The following OLAH variants were observed in gnomAD, a reference collection of about 807,000 sequenced individuals.
OLAH encodes oleoyl-ACP hydrolase, also known as S-acyl fatty acid synthase thioesterase, medium chain.
Under a neutral mutation model 27.8 loss-of-function variants are expected in OLAH, and 33 were observed. The ratio of observed to expected loss-of-function variants is 1.19; its 90% CI spans 0.90 to 1.59. The LOEUF (loss-of-function observed/expected upper bound fraction) is 1.59. Ranked by LOEUF, OLAH falls within the 40% of genes most tolerant of loss-of-function variation. The pLI is 0.00. For synonymous variants in OLAH, 120 were observed against 102.9 expected (o/e 1.17, Z -1.01); for missense variants, 359 against 310.8 (o/e 1.16, Z -1.17).
intron 3 of OLAH, among the ~76,000 whole-genome samples, chr10:15,060,809 G>T (rs1184615065): frequency 2.6e-5 from 4 of 152,070 alleles, no homozygotes; most frequent in African/African-American, 7.2e-5. Flanking sequence ...GGCATGTCTG[G>T]TGAGTTTTGA....
chr10:15,059,985 C>T (rs754319181), intron 3 of OLAH, among the ~76,000 whole-genome samples: 14 of 152,036 alleles, frequency 9.2e-5, no homozygotes, highest in South Asian at 2.1e-4. Context: ...CTTGGATCTA[C>T]GACTTTGTAA....
Position 15,073,727 on chromosome 10 carries a change from C to T in OLAH, c.*498C>T, listed in dbSNP as rs1182714404. 1 of 151,216 alleles carries T rather than the reference C, an allele frequency of 6.6e-6. No homozygotes were observed. Among genetic ancestry groups the T allele is most frequent in the Non-Finnish European group, 1.5e-5 (1 of 67,890 alleles). 9.4% of individuals were successfully genotyped at this position (151,216 alleles called of 1,614,324 possible). A position where few individuals can be genotyped will look rare whatever the true frequency, so the allele number is the denominator to read the frequency against. ...CTTCCTATTAAAATCTCACTTGATT[C>T]TCCTTTATGGGAAGTTTGTCGACAA... On this transcript the variant is annotated 3_prime_UTR_variant, in exon 8 of 8. Coordinates refer to ENST00000378228, the MANE Select transcript of OLAH (RefSeq NM_001039702.3).
At chr10:15,062,253 G>A (rs1182490915) in intron 4 of OLAH, among the ~76,000 whole-genome samples, 3 of 152,104 alleles carry the variant, frequency 2.0e-5, no homozygotes, top group Admixed American at 2.0e-4. Flanking sequence ...AGGCTTCTGA[G>A]TTAGTTCCTT....
intron 7 of OLAH, among the ~76,000 whole-genome samples, chr10:15,072,388 T>C (rs1293322753): frequency 6.6e-6 from 1 of 152,134 alleles, no homozygotes; most frequent in Admixed American, 6.6e-5. Context: ...GTTGGTCTTG[T>C]GTAAAATGAG....
chr10:15,045,795 A>G (rs1022965603), intron 1 of OLAH, among the ~76,000 whole-genome samples: 11 of 152,172 alleles, frequency 7.2e-5, no homozygotes, highest in African/African-American at 2.7e-4. Flanking sequence ...AGACCTTTAT[A>G]AATGACAGAT....
At chr10:15,058,811 A>C (rs547307722) in intron 3 of OLAH, among the ~76,000 whole-genome samples, 5 of 152,118 alleles carry the variant, frequency 3.3e-5, no homozygotes, top group African/African-American at 1.2e-4. Flanking sequence ...AAAGTCTTTA[A>C]CTTCCACTTT....
At chr10:15,072,983 A>G (rs1301974324) in intron 7 of OLAH, 104 bp from the exon 8 acceptor site, 1 of 1,077,490 alleles carries the variant, frequency 9.3e-7, no homozygotes, top group Non-Finnish European at 1.4e-6. Flanking sequence ...AGGCCTTGAA[A>G]GTAACCGTAC....
intron 2 of OLAH, among the ~76,000 whole-genome samples, chr10:15,048,284 C>G (rs541173273): frequency 2.0e-5 from 3 of 152,232 alleles, no homozygotes; most frequent in Admixed American, 6.5e-5. Context: ...GTGGTGCGAT[C>G]TCGGCTCACT....
rs532710117 is a variant in OLAH at position 15,055,402 on chromosome 10, A to T, written c.163+5637A>T. On this transcript the variant is annotated intron_variant, in intron 3 of 7. Coordinates refer to ENST00000378228, the MANE Select transcript of OLAH (RefSeq NM_001039702.3). ...TCATGTTTCTGTAGGACTCTTTTCT[A>T]TCTCCAGCCCCATCCTTCTTTATTT... is the stretch of plus-strand genomic sequence containing the variant. 4.6e-5 allele frequency among the ~76,000 whole-genome samples: 7 copies of T among 152,190 alleles called. No homozygotes were observed. In the East Asian group the frequency reaches 1.4e-3, roughly 29 times the overall value.
rs969171408 is a variant in OLAH at position 15,073,492 on chromosome 10, C to G, written c.*263C>G. On this transcript the variant is annotated 3_prime_UTR_variant, in exon 8 of 8. Transcript: ENST00000378228. ...TGGCTAACACCGTGAAACCCCATCT[C>G]TACTAAAAATACACAAAATTAGCCG... 4.2e-5 allele frequency: 11 copies of G among 264,602 alleles called. No individual in the cohort carries two copies. The highest frequency in any genetic ancestry group is 2.5e-4 in the African/African-American group (11 of 43,484). The allele number at this position is 264,602 out of a possible 1,614,324, so 16.4% of individuals were successfully genotyped here.
intron 3 of OLAH, among the ~76,000 whole-genome samples, chr10:15,057,508 T>G (rs56413752): frequency 0.063 from 9,501 of 151,310 alleles, 558 homozygotes; most frequent in African/African-American, 0.16. Flanking sequence ...GCCACAGCCT[T>G]CCGAGTAGCT....
At chr10:15,050,601 G>A (rs534239261) in intron 3 of OLAH, among the ~76,000 whole-genome samples, 25 of 141,320 alleles carry the variant, frequency 1.8e-4, no homozygotes, top group Non-Finnish European at 1.8e-4. Context: ...GAGTGCAGTA[G>A]CTTGATGTTG....
At chr10:15,046,707 C>A (rs1371397674) in intron 1 of OLAH, among the ~76,000 whole-genome samples, 2 of 152,128 alleles carry the variant, frequency 1.3e-5, no homozygotes, top group South Asian at 4.1e-4. Flanking sequence ...ACCTCAAGTA[C>A]TGGGATGAGC....
chr10:15,057,005 G>A, intron 3 of OLAH: 5 of 1,397,110 alleles, frequency 3.6e-6, no homozygotes, highest in Non-Finnish European at 3.8e-6. Flanking sequence ...TGTTGAAAAT[G>A]TCTTCTAGTT....
rs1843967072 is a variant in OLAH at position 15,043,946 on chromosome 10, T to G, written c.-204T>G. 1.3e-5 allele frequency: 2 copies of G among 152,226 alleles called. 1 individual carries two copies. The highest frequency in any genetic ancestry group is 2.9e-5 in the Non-Finnish European group (2 of 68,044). The allele number at this position is 152,226 out of a possible 1,614,324, so 9.4% of individuals were successfully genotyped here. ...CTTTGGCAATCCAAAGAAAGTCATC[T>G]TTCAGATTGTCTGCTCAGAGTTCAT... On this transcript the variant is annotated 5_prime_UTR_variant, in exon 1 of 8. Transcript: ENST00000378228.
intron 7 of OLAH, among the ~76,000 whole-genome samples, chr10:15,072,242 A>AT (rs1049301827): frequency 7.9e-5 from 12 of 151,166 alleles, no homozygotes; most frequent in African/African-American, 2.2e-4. Context: ...AGCTTTTAAA[A>AT]TTTTTTTTTT....
chr10:15,053,763 G>A (rs940648121), intron 3 of OLAH, among the ~76,000 whole-genome samples: 1 of 151,722 alleles, frequency 6.6e-6, no homozygotes, highest in Non-Finnish European at 1.5e-5. Flanking sequence ...TGCCCAGGCT[G>A]GAGTGTGGTG....
chr10:15,070,664 T>C (rs1306805866), intron 6 of OLAH, among the ~76,000 whole-genome samples: 1 of 152,024 alleles, frequency 6.6e-6, no homozygotes, highest in Non-Finnish European at 1.5e-5. Context: ...GTATTTTTAG[T>C]AGAGACGGGG....
rs145268129 is a variant in OLAH at position 15,073,488 on chromosome 10, A to G, written c.*259A>G. ...GTCCTGGCTAACACCGTGAAACCCC[A>G]TCTCTACTAAAAATACACAAAATTA... On this transcript the variant is annotated 3_prime_UTR_variant, in exon 8 of 8. Coordinates refer to ENST00000378228, the MANE Select transcript of OLAH (RefSeq NM_001039702.3). 959 of 275,564 alleles carry G rather than the reference A, an allele frequency of 3.5e-3. 14 individuals carry two copies. Among genetic ancestry groups the G allele is most frequent in the Non-Finnish European group, 1.5e-3 (225 of 146,786 alleles). The allele number at this position is 275,564 out of a possible 1,614,324, so 17.1% of individuals were successfully genotyped here.
Sources: gnomAD v4.1 joint callset for allele counts (sites outside exome capture counted in the v4.1 genomes callset) on GRCh38, gnomAD v4.1.1 for gene constraint, MANE v1.5 for transcripts, NCBI Gene and HGNC (gene_info 2026-07-23, HGNC 2026-07-21) for gene names.